Variants in SNRPE observed in about 807,000 individuals in gnomAD.
The protein encoded by SNRPE is small nuclear ribonucleoprotein polypeptide E, also known as small nuclear ribonucleoprotein E.
For missense variants in SNRPE, 53 were observed against 111.6 expected, an observed-to-expected ratio of 0.48 and a Z score of 2.36; for synonymous variants, 35 against 36.7, an observed-to-expected ratio of 0.95 and a Z score of 0.17.
intron 4 of SNRPE, among the ~76,000 whole-genome samples, chr1:203,868,872 G>A (rs1163943756): frequency 6.6e-6 from 1 of 152,042 alleles, no homozygotes; most frequent in Non-Finnish European, 1.5e-5. Context: ...GTGTCACCGT[G>A]TTGTCCAGGC....
chr1:203,869,664 TGA>T (rs1690174785), intron 4 of SNRPE, among the ~76,000 whole-genome samples: 1 of 152,224 alleles, frequency 6.6e-6, no homozygotes, highest in Non-Finnish European at 1.5e-5. Context: ...ATATTTGTCA[TGA>T]AATGTCATCT....
chr1:203,864,617 C>T (rs1690048202), intron 3 of SNRPE, among the ~76,000 whole-genome samples: 1 of 152,100 alleles, frequency 6.6e-6, no homozygotes. Context: ...TGGCTCACGC[C>T]TGTAATCCTA....
chr1:203,869,535 G>A (rs1690171521), intron 4 of SNRPE, among the ~76,000 whole-genome samples: 1 of 151,982 alleles, frequency 6.6e-6, no homozygotes, highest in South Asian at 2.1e-4. Flanking sequence ...TAAGAATGGA[G>A]TTATAATATG....
Position 203,862,226 on chromosome 1 carries a change from C to A in SNRPE, c.81+4C>A. The A allele has an allele frequency of 6.2e-7, 1 of 1,601,672 alleles. No homozygotes were observed. The highest frequency in any genetic ancestry group is 8.6e-7 in the Non-Finnish European group (1 of 1,168,624). On this transcript the variant is annotated splice_donor_region_variant and intron_variant, in intron 2 of 4. Coordinates refer to ENST00000414487, the MANE Select transcript of SNRPE (RefSeq NM_003094.4). ...CATCTTCAGATACTTACAAAATGTA[C>A]GTAAGTTGCTTGTTTCGTAACTACT... is the stretch of plus-strand genomic sequence containing the variant.
intron 2 of SNRPE, 128 bp downstream of exon 2, chr1:203,862,350 A>G (rs1379705142): frequency 2.3e-5 from 16 of 707,440 alleles, no homozygotes; most frequent in Non-Finnish European, 3.8e-5. Context: ...ATTGGAGGGT[A>G]ATTGAGGGGA....
rs767144727 is a variant in SNRPE at position 203,863,645 on chromosome 1, C to T, written c.82-18C>T. The T allele has an allele frequency of 6.2e-7, 1 of 1,603,816 alleles. No individual in the cohort carries two copies. ...TATTTTTCTTTTTTTAACGTTTCCA[C>T]TTTTATGATTATTTCAGAGATCGCG... On this transcript the variant is annotated intron_variant, in intron 2 of 4. Coordinates refer to ENST00000414487, the MANE Select transcript of SNRPE (RefSeq NM_003094.4).
At chr1:203,866,572 T>C (rs901630373) in intron 4 of SNRPE, among the ~76,000 whole-genome samples, 1 of 152,182 alleles carries the variant, frequency 6.6e-6, no homozygotes, top group African/African-American at 2.4e-5. Context: ...TCACACTGTT[T>C]AGAGCTATTG....
At chr1:203,866,154 T>C (rs1286971545) in intron 4 of SNRPE, among the ~76,000 whole-genome samples, 1 of 152,138 alleles carries the variant, frequency 6.6e-6, no homozygotes, top group Non-Finnish European at 1.5e-5. Flanking sequence ...TGCTGAAACG[T>C]TGTAGGGGCT....
At chr1:203,864,028 C>T (rs1034041954) in intron 3 of SNRPE, among the ~76,000 whole-genome samples, 2 of 152,142 alleles carry the variant, frequency 1.3e-5, no homozygotes, top group Admixed American at 6.5e-5. Context: ...AATCATGGCT[C>T]GTTGCAGCCT....
At chr1:203,863,798 G>C in intron 3 of SNRPE, 73 bp downstream of exon 3, 2 of 1,037,162 alleles carry the variant, frequency 1.9e-6, no homozygotes, top group South Asian at 1.4e-5. Context: ...TGTCTAGCCA[G>C]AACAGTGTAT....
chr1:203,869,960 G>A lies in SNRPE; in HGVS notation c.*28G>A. The A allele has an allele frequency of 6.9e-7, 1 of 1,449,936 alleles. No homozygotes were observed. Among genetic ancestry groups the A allele is most frequent in the Non-Finnish European group, 9.6e-7 (1 of 1,040,434 alleles). The allele number at this position is 1,449,936 out of a possible 1,614,324, so 89.8% of individuals were successfully genotyped here. A position where few individuals can be genotyped will look rare whatever the true frequency, so the allele number is the denominator to read the frequency against. Reference sequence around the variant, plus strand: ...ATGATCAATGAAGTGAGAAATTGTTGAGAAGGATACAGTTTGTTTTTAGAT... The same window carrying A: ...ATGATCAATGAAGTGAGAAATTGTTAAGAAGGATACAGTTTGTTTTTAGAT... On this transcript the variant is annotated 3_prime_UTR_variant, in exon 5 of 5. Coordinates refer to ENST00000414487, the MANE Select transcript of SNRPE (RefSeq NM_003094.4).
intron 1 of SNRPE, 113 bp from the exon 2 acceptor site, chr1:203,862,083 A>G: frequency 1.2e-6 from 1 of 836,300 alleles, no homozygotes; most frequent in Non-Finnish European, 2.1e-6. Context: ...TTGCGTAAGC[A>G]CCAGACCTCG....
At chr1:203,865,668 A>G (rs1300408186) in intron 4 of SNRPE, among the ~76,000 whole-genome samples, 5 of 152,118 alleles carry the variant, frequency 3.3e-5, no homozygotes, top group Non-Finnish European at 7.4e-5. Context: ...TCAATCCCCA[A>G]GATTGCCTTC....
At chr1:203,862,002 G>A (rs2103504777) in intron 1 of SNRPE, 194 bp from the exon 2 acceptor site, 1 of 619,036 alleles carries the variant, frequency 1.6e-6, no homozygotes, top group South Asian at 2.0e-5. Flanking sequence ...ACTCCAGGGG[G>A]ATGAAAGTGG....
chr1:203,861,646 T>C lies in SNRPE; in HGVS notation c.-14T>C, dbSNP rs1276681699. On this transcript the variant is annotated 5_prime_UTR_variant, in exon 1 of 5. Transcript: ENST00000414487. The stretch of plus-strand genomic sequence containing the variant: ...AGAGGCAGCGTGCGGGTGTGCTCTT[T>C]GTGAAATTCCACCATGGCGTACCGT... The C allele has an allele frequency of 6.2e-7, 1 of 1,610,434 alleles. No homozygotes were observed. Among genetic ancestry groups the C allele is most frequent in the Non-Finnish European group, 8.5e-7 (1 of 1,176,612 alleles).
At chr1:203,867,382 G>A (rs1346743648) in intron 4 of SNRPE, among the ~76,000 whole-genome samples, 1 of 151,810 alleles carries the variant, frequency 6.6e-6, no homozygotes, top group East Asian at 1.9e-4. Flanking sequence ...GATGGCTTTC[G>A]GATGATTCAG....
At chr1:203,866,033 G>C (rs1012907193) in intron 4 of SNRPE, among the ~76,000 whole-genome samples, 1 of 151,692 alleles carries the variant, frequency 6.6e-6, no homozygotes, top group African/African-American at 2.4e-5. Flanking sequence ...GATTAAATTG[G>C]CCGTTGGTGA....
rs779324339 is a variant in SNRPE at position 203,861,722 on chromosome 1, C to T, written c.54+9C>T. ...TTATGGTGCAGCCCATCGTATCCTA[C>T]GCAGGATGTCAGGACTAGGAGGTTC... On this transcript the variant is annotated intron_variant, in intron 1 of 4. Transcript: ENST00000414487. 1.9e-6 allele frequency: 3 copies of T among 1,602,834 alleles called. No homozygotes were observed. Among genetic ancestry groups the T allele is most frequent in the African/African-American group, 1.3e-5 (1 of 74,694 alleles).
chr1:203,868,023 A>G lies in SNRPE; in HGVS notation c.224-1854A>G, dbSNP rs575036222. 2.6e-3 allele frequency among the ~76,000 whole-genome samples: 395 copies of G among 152,174 alleles called. 2 individuals carry two copies. The highest frequency in any genetic ancestry group is 9.2e-3 in the African/African-American group (380 of 41,516). ...GTACCTAACTCAATGCCTGGCACAT[A>G]ATAGAAACTAAAAAATATTTGAACA... On this transcript the variant is annotated intron_variant, in intron 4 of 4. Transcript: ENST00000414487.
Sources: allele counts gnomAD v4.1 joint callset (sites outside exome capture counted in the v4.1 genomes callset), GRCh38; gene constraint gnomAD v4.1.1; transcripts MANE v1.5; gene names NCBI Gene and HGNC (gene_info 2026-07-23, HGNC 2026-07-21).